The following TFCP2L1 variants were observed in gnomAD, a reference collection of about 807,000 sequenced individuals.
TFCP2L1 encodes the protein transcription factor CP2-like protein 1.
A neutral mutation model predicts 72.2 loss-of-function variants in TFCP2L1; 12 were observed. The observed-to-expected ratio is 0.17, with a 90% CI of 0.11 to 0.27. The LOEUF is 0.27. TFCP2L1 is among the 10% of genes least tolerant of loss of function. The pLI, the probability that TFCP2L1 is intolerant of heterozygous loss-of-function variation, is 1.00. For synonymous variants in TFCP2L1, 260 were observed against 251.0 expected (o/e 1.04, Z -0.34); for missense variants, 488 against 624.6 (o/e 0.78, Z 2.33).
At chr2:121,253,856 G>A (rs1686659200) in intron 2 of TFCP2L1, among the ~76,000 whole-genome samples, 1 of 152,134 alleles carries the variant, frequency 6.6e-6, no homozygotes, top group South Asian at 2.1e-4. Flanking sequence ...CCATGCAGAT[G>A]GACATCCAGC....
At chr2:121,225,827 C>G (rs1004602532) in intron 13 of TFCP2L1, among the ~76,000 whole-genome samples, 16 of 147,840 alleles carry the variant, frequency 1.1e-4, no homozygotes, top group African/African-American at 4.1e-4. Flanking sequence ...CCCACACACA[C>G]GGGAACACGG....
chr2:121,273,999 C>T (rs1014634289), intron 2 of TFCP2L1, among the ~76,000 whole-genome samples: 3 of 150,062 alleles, frequency 2.0e-5, no homozygotes, highest in African/African-American at 7.4e-5. Context: ...GAGGCTGAGG[C>T]AGGAGAATCG....
At chr2:121,278,445 G>C (rs1687190982) in intron 2 of TFCP2L1, among the ~76,000 whole-genome samples, 1 of 151,146 alleles carries the variant, frequency 6.6e-6, no homozygotes, top group African/African-American at 2.4e-5. Flanking sequence ...CAGCACTTTG[G>C]GAGGCTGAGG....
At chr2:121,257,496 C>CT (rs1233475569) in intron 2 of TFCP2L1, among the ~76,000 whole-genome samples, 9 of 152,208 alleles carry the variant, frequency 5.9e-5, no homozygotes, top group Non-Finnish European at 1.3e-4. Context: ...CCCTCCTGCC[C>CT]TCCACCCACC....
intron 1 of TFCP2L1, among the ~76,000 whole-genome samples, chr2:121,283,962 T>A (rs1038523184): frequency 6.6e-6 from 1 of 152,136 alleles, no homozygotes; most frequent in Non-Finnish European, 1.5e-5. Context: ...CTTTGGCCCA[T>A]GAATAAAAAC....
intron 2 of TFCP2L1, among the ~76,000 whole-genome samples, chr2:121,257,446 C>T (rs1032818475): frequency 6.6e-6 from 1 of 152,202 alleles, no homozygotes; most frequent in Non-Finnish European, 1.5e-5. Flanking sequence ...AAACTTCTTA[C>T]CCCAATCTTA....
intron 6 of TFCP2L1, among the ~76,000 whole-genome samples, chr2:121,244,040 G>C (rs1686431873): frequency 1.3e-5 from 2 of 152,092 alleles, no homozygotes; most frequent in African/African-American, 4.8e-5. Context: ...AACAGATCCA[G>C]CGTCCCGGGT....
At chr2:121,283,947 G>T (rs1687313600) in intron 1 of TFCP2L1, among the ~76,000 whole-genome samples, 1 of 152,144 alleles carries the variant, frequency 6.6e-6, no homozygotes, top group Non-Finnish European at 1.5e-5. Context: ...TGCCATCTCC[G>T]ACTACTTTGG....
intron 12 of TFCP2L1, among the ~76,000 whole-genome samples, chr2:121,233,647 C>T (rs1392093746): frequency 3.9e-5 from 6 of 152,174 alleles, no homozygotes. Context: ...AGCAGGATCC[C>T]AGGCTGACGC....
intron 10 of TFCP2L1, among the ~76,000 whole-genome samples, chr2:121,236,030 G>T (rs927968229): frequency 6.6e-6 from 1 of 152,112 alleles, no homozygotes; most frequent in Non-Finnish European, 1.5e-5. Context: ...ACTCTTCCTG[G>T]TCTGGCTTCC....
At chr2:121,249,770 G>T in intron 2 of TFCP2L1, 123 bp from the exon 3 acceptor site, 1 of 969,452 alleles carries the variant, frequency 1.0e-6, no homozygotes, top group Non-Finnish European at 1.6e-6. Context: ...GGGGAGCAAA[G>T]CAGAGAAGAA....
chr2:121,249,496 C>A (rs1686561125), intron 3 of TFCP2L1, 75 bp downstream of exon 3: 4 of 1,463,918 alleles, frequency 2.7e-6, no homozygotes, highest in Non-Finnish European at 3.8e-6. Flanking sequence ...CGTGCCCAAC[C>A]CCAGCAAGCC....
intron 2 of TFCP2L1, among the ~76,000 whole-genome samples, chr2:121,259,624 C>T (rs903524122): frequency 6.6e-6 from 1 of 152,098 alleles, no homozygotes; most frequent in Admixed American, 6.6e-5. Flanking sequence ...TACAAAAAGG[C>T]TTAGGCAGAC....
At chr2:121,238,744 C>T (rs1482946631) in intron 8 of TFCP2L1, among the ~76,000 whole-genome samples, 1 of 151,992 alleles carries the variant, frequency 6.6e-6, no homozygotes, top group East Asian at 1.9e-4. Context: ...AAGGGAGTTA[C>T]CCCCAAAAAG....
chr2:121,234,310 T>C, intron 11 of TFCP2L1, 116 bp from the exon 12 acceptor site: 1 of 955,586 alleles, frequency 1.0e-6, no homozygotes, highest in Non-Finnish European at 1.6e-6. Flanking sequence ...AAGACAGCGG[T>C]GGTGACGTGG....
chr2:121,250,357 T>TAA (rs1352423338), intron 2 of TFCP2L1, among the ~76,000 whole-genome samples: 1 of 150,480 alleles, frequency 6.6e-6, no homozygotes, highest in Non-Finnish European at 1.5e-5. Context: ...TATATATATA[T>TAA]ATATATACAC....
chr2:121,279,992 GAAGA>G (rs1687222905), intron 2 of TFCP2L1, among the ~76,000 whole-genome samples: 1 of 152,174 alleles, frequency 6.6e-6, no homozygotes, highest in Non-Finnish European at 1.5e-5. Context: ...AGACGACCCA[GAAGA>G]AAGTGCAAAA....
chr2:121,264,785 C>G (rs1686896715), intron 2 of TFCP2L1, among the ~76,000 whole-genome samples: 1 of 152,214 alleles, frequency 6.6e-6, no homozygotes. Flanking sequence ...GGCTGCCAGT[C>G]TGTTACCCAT....
At chr2:121,244,208 TG>T (rs1430597502) in intron 6 of TFCP2L1, among the ~76,000 whole-genome samples, 2 of 152,220 alleles carry the variant, frequency 1.3e-5, no homozygotes, top group African/African-American at 2.4e-5. Context: ...GGGCACGCAC[TG>T]GGCCTTGATG....
Sources: allele counts gnomAD v4.1 joint callset (sites outside exome capture counted in the v4.1 genomes callset), GRCh38; gene constraint gnomAD v4.1.1; transcripts MANE v1.5; gene names NCBI Gene and HGNC (gene_info 2026-07-23, HGNC 2026-07-21).